RAB27B: variants seen among roughly 807,000 people sequenced by gnomAD.
The protein encoded by RAB27B is ras-related protein Rab-27B.
In RAB27B, 15 loss-of-function variants were observed where a neutral mutation model predicts 24.6. That is an observed-to-expected ratio of 0.61 (90% confidence interval 0.41 to 0.94). The LOEUF is 0.94. Among genes scored for constraint, RAB27B ranks in the 40% least tolerant of loss-of-function variants. The pLI is 0.00. For missense variants in RAB27B, 261 were observed against 266.8 expected (o/e 0.98, Z 0.15); for synonymous variants, 105 against 92.5 (o/e 1.14, Z -0.78).
intron 3 of RAB27B, among the ~76,000 whole-genome samples, chr18:54,881,265 G>A (rs550690481): frequency 3.3e-5 from 5 of 152,088 alleles, no homozygotes; most frequent in Non-Finnish European, 7.4e-5. Flanking sequence ...GCTCAAATCT[G>A]TCTTTTTGTT....
chr18:54,805,297 G>A (rs969383234), intron 2 of RAB27B, among the ~76,000 whole-genome samples: 5 of 152,152 alleles, frequency 3.3e-5, no homozygotes, highest in Admixed American at 6.6e-5. Context: ...GCATTCATCC[G>A]TGGGAAAGGC....
At chr18:54,740,792 TGATA>T (rs1343752583) in intron 2 of RAB27B, among the ~76,000 whole-genome samples, 2 of 152,112 alleles carry the variant, frequency 1.3e-5, no homozygotes, top group African/African-American at 2.4e-5. Context: ...TCTCACTAAG[TGATA>T]GATAGACATA....
At chr18:54,728,903 C>CAAA (rs58878407) in intron 2 of RAB27B, among the ~76,000 whole-genome samples, 4,026 of 68,168 alleles carry the variant, frequency 0.059, 140 homozygotes, top group Middle Eastern at 0.097. Flanking sequence ...AAAAAAAACC[C>CAAA]AAAAAAAAAA....
At chr18:54,728,629 C>T (rs1017900633) in intron 2 of RAB27B, among the ~76,000 whole-genome samples, 1 of 151,934 alleles carries the variant, frequency 6.6e-6, no homozygotes. Flanking sequence ...AATCCCAGCA[C>T]TTTGGGAGGC....
intron 2 of RAB27B, among the ~76,000 whole-genome samples, chr18:54,785,534 C>T (rs1383611113): frequency 2.7e-5 from 4 of 150,282 alleles, no homozygotes; most frequent in South Asian, 2.1e-4. Flanking sequence ...CTGACTATCC[C>T]CCTCCTTCTT....
chr18:54,764,306 G>A (rs916122268), intron 2 of RAB27B, among the ~76,000 whole-genome samples: 1 of 152,086 alleles, frequency 6.6e-6, no homozygotes, highest in Non-Finnish European at 1.5e-5. Flanking sequence ...ATCCATATGG[G>A]TAAATTTCAA....
chr18:54,795,141 A>T (rs1010583966), intron 2 of RAB27B, among the ~76,000 whole-genome samples: 2 of 152,162 alleles, frequency 1.3e-5, no homozygotes, highest in Admixed American at 6.5e-5. Context: ...AGAATTTGTG[A>T]TGCTACCACA....
intron 2 of RAB27B, among the ~76,000 whole-genome samples, chr18:54,769,223 A>C (rs1254765118): frequency 6.6e-6 from 1 of 152,188 alleles, no homozygotes. Flanking sequence ...TAAATTGGCC[A>C]AAAGAAAGGA....
intron 2 of RAB27B, among the ~76,000 whole-genome samples, chr18:54,718,843 G>A (rs1312551679): frequency 2.6e-5 from 4 of 152,144 alleles, no homozygotes; most frequent in African/African-American, 9.7e-5. Flanking sequence ...ATCAATTGAA[G>A]GTGCTTTTTA....
At chr18:54,879,658 A>C (rs1912842681) in intron 3 of RAB27B, 1 of 494,726 alleles carries the variant, frequency 2.0e-6, no homozygotes, top group Non-Finnish European at 3.6e-6. Flanking sequence ...AATTTCAAAA[A>C]TCAGACTTTC....
intron 1 of RAB27B, among the ~76,000 whole-genome samples, chr18:54,858,940 T>C (rs527706783): frequency 3.3e-5 from 5 of 152,276 alleles, no homozygotes; most frequent in Admixed American, 3.3e-4. Flanking sequence ...TTTGTGATCT[T>C]TTTTCCACTA....
chr18:54,877,528 CT>C (rs1568111738), intron 1 of RAB27B, 38 bp from the exon 2 acceptor site: 1 of 1,313,424 alleles, frequency 7.6e-7, no homozygotes. Context: ...GGAAAATCAA[CT>C]TTAATCAAAA....
At chr18:54,759,594 C>G (rs117803340) in intron 2 of RAB27B, among the ~76,000 whole-genome samples, 4,267 of 152,304 alleles carry the variant, frequency 0.028, 74 homozygotes, top group Middle Eastern at 0.092. Flanking sequence ...GAGGGCCACA[C>G]CCTCAAGCCT....
intron 1 of RAB27B, among the ~76,000 whole-genome samples, chr18:54,829,883 C>G (rs891406888): frequency 6.6e-6 from 1 of 152,148 alleles, no homozygotes; most frequent in African/African-American, 2.4e-5. Context: ...GGTCAGCCAT[C>G]CTTGAAGGCA....
intron 4 of RAB27B, among the ~76,000 whole-genome samples, chr18:54,885,073 A>T (rs1020399161): frequency 6.6e-6 from 1 of 152,216 alleles, no homozygotes; most frequent in African/African-American, 2.4e-5. Context: ...ATCAATTACT[A>T]AAGTCATATT....
intron 2 of RAB27B, among the ~76,000 whole-genome samples, chr18:54,728,903 C>CAAACAAA (rs1909634671): frequency 2.8e-4 from 19 of 68,248 alleles, no homozygotes; most frequent in African/African-American, 5.5e-4. Context: ...AAAAAAAACC[C>CAAACAAA]AAAAAAAAAA....
intron 1 of RAB27B, among the ~76,000 whole-genome samples, chr18:54,855,224 G>T (rs929199296): frequency 6.6e-6 from 1 of 152,194 alleles, no homozygotes; most frequent in Non-Finnish European, 1.5e-5. Flanking sequence ...AGGAGGTGGA[G>T]CTCAGACGGT....
At position 54,895,014 on chromosome 18, in the gene RAB27B, A is replaced by G. The variant is rs1913513209; in HGVS notation, c.*5601A>G. 6.6e-6 allele frequency: 1 copy of G among 152,102 alleles called. No individual in the cohort carries two copies. Among genetic ancestry groups the G allele is most frequent in the Non-Finnish European group, 1.5e-5 (1 of 67,988 alleles). The allele number at this position is 152,102 out of a possible 1,614,324, so 9.4% of individuals were successfully genotyped here. A position where few individuals can be genotyped will look rare whatever the true frequency, so the allele number is the denominator to read the frequency against. On this transcript the variant is annotated 3_prime_UTR_variant, in exon 6 of 6. Transcript: ENST00000262094. ...AATGAATTCTAGGTAGTATATTACA[A>G]GTTGGTCAAAATATTCCATGTACAA...
At chr18:54,765,155 C>T (rs879600887) in intron 2 of RAB27B, among the ~76,000 whole-genome samples, 1 of 152,134 alleles carries the variant, frequency 6.6e-6, no homozygotes, top group Non-Finnish European at 1.5e-5. Flanking sequence ...TTCTGGAGTT[C>T]TCATTAGCAT....
Sources: allele counts gnomAD v4.1 joint callset (sites outside exome capture counted in the v4.1 genomes callset), GRCh38; gene constraint gnomAD v4.1.1; transcripts MANE v1.5; gene names NCBI Gene and HGNC (gene_info 2026-07-23, HGNC 2026-07-21).